HSPG2: variants seen among roughly 807,000 people sequenced by gnomAD.
The protein encoded by HSPG2 is basement membrane-specific heparan sulfate proteoglycan core protein.
A neutral mutation model predicts 526.6 loss-of-function variants in HSPG2; 278 were observed. The ratio of observed to expected loss-of-function variants is 0.53; its 90% CI spans 0.48 to 0.58. HSPG2 has a LOEUF of 0.58. Among genes scored for constraint, HSPG2 ranks in the 20% least tolerant of loss-of-function variants. HSPG2 has a pLI of 0.00. For missense variants in HSPG2, 5,354 were observed against 6,099.5 expected, an observed-to-expected ratio of 0.88 and a Z score of 4.07; for synonymous variants, 2,465 against 2,555.4, an observed-to-expected ratio of 0.96 and a Z score of 1.07.
chr1:21,882,516 C>T (rs1402122843), intron 13 of HSPG2, among the ~76,000 whole-genome samples: 2 of 151,836 alleles, frequency 1.3e-5, no homozygotes, highest in East Asian at 1.9e-4. Context: ...AGAGAACTTT[C>T]GGTGGAGTGA....
rs370487132 is a variant in HSPG2 at position 21,842,904 on chromosome 1, G to T, written c.8776C>A (p.Pro2926Thr). The change falls in exon 67 of 97, where the codon CCC (proline) becomes ACC (threonine). Residue 2926 changes from proline to threonine, a missense_variant. By Grantham distance (38) the Pro-to-Thr change is conservative. Coordinates refer to ENST00000374695, the MANE Select transcript of HSPG2 (RefSeq NM_005529.7). Reference protein sequence around the residue: ...GPIPAPGLAQPIYIEASSSHV... With the variant: ...GPIPAPGLAQTIYIEASSSHV... ...GAAGAGGAGGCCTCGATGTAGATGG[G>T]CTGGGCCAGTCCTGGAGCTGTGGGC... 2.2e-5 allele frequency: 35 copies of T among 1,614,032 alleles called. No individual in the cohort carries two copies. Among genetic ancestry groups the T allele is most frequent in the Admixed American group, 3.3e-5 (2 of 60,012 alleles).
At chr1:21,830,485 A>T in intron 85 of HSPG2, 2 of 302,774 alleles carry the variant, frequency 6.6e-6, no homozygotes, top group East Asian at 8.3e-5. Context: ...TCAGGAGTTC[A>T]AGACCAGCCA....
At chr1:21,883,373 A>G (rs1641648538) in intron 13 of HSPG2, among the ~76,000 whole-genome samples, 1 of 152,208 alleles carries the variant, frequency 6.6e-6, no homozygotes, top group African/African-American at 2.4e-5. Context: ...GCTGGAGTGC[A>G]ATGGTGTGAT....
chr1:21,854,533 C>A, intron 49 of HSPG2, 78 bp downstream of exon 49: 2 of 1,489,580 alleles, frequency 1.3e-6, no homozygotes, highest in South Asian at 1.3e-5. Context: ...GCCGCCTCCC[C>A]CGCCCAGCGT....
intron 64 of HSPG2, 87 bp from the exon 65 acceptor site, chr1:21,844,386 G>T: frequency 7.1e-7 from 1 of 1,410,486 alleles, no homozygotes; most frequent in Admixed American, 2.1e-5. Context: ...TAGGACCAGA[G>T]GCCATTTGGG....
In HSPG2 at chr1:21,896,165, C is replaced by T. The variant is rs1426462355; in HGVS notation, c.199+10G>A. 6.2e-7 allele frequency: 1 copy of T among 1,613,938 alleles called. No homozygotes were observed. Among genetic ancestry groups the T allele is most frequent in the African/African-American group, 1.3e-5 (1 of 74,998 alleles). On this transcript the variant is annotated intron_variant, in intron 2 of 96. Coordinates refer to ENST00000374695, the MANE Select transcript of HSPG2 (RefSeq NM_005529.7). Reference sequence around the variant, plus strand: ...ACCCCTCTGCTCCCAGCCTTGGATCCTTGGCTCACCTCCTGAGATGCTGTC... The same window carrying T: ...ACCCCTCTGCTCCCAGCCTTGGATCTTTGGCTCACCTCCTGAGATGCTGTC...
intron 1 of HSPG2, among the ~76,000 whole-genome samples, chr1:21,917,922 C>T (rs1055737044): frequency 1.8e-4 from 27 of 152,156 alleles, no homozygotes; most frequent in African/African-American, 5.8e-4. Context: ...AACCAAAGCT[C>T]CTTGGGGACA....
At chr1:21,894,548 C>G (rs1280749533) in intron 3 of HSPG2, among the ~76,000 whole-genome samples, 1 of 152,182 alleles carries the variant, frequency 6.6e-6, no homozygotes, top group African/African-American at 2.4e-5. Context: ...CTACCCTGGT[C>G]TTGGGCCCCC....
At chr1:21,908,589 T>TAA (rs75768483) in intron 1 of HSPG2, 35 of 568,894 alleles carry the variant, frequency 6.2e-5, no homozygotes, top group Admixed American at 1.6e-4. Context: ...AATAGGTATT[T>TAA]AAAAAAAAAA....
In HSPG2 at chr1:21,854,980, G is replaced by A. The variant is rs188040069; in HGVS notation, c.6001C>T (p.Arg2001Trp). 109 of 1,612,626 alleles carry A rather than the reference G, an allele frequency of 6.8e-5. No homozygotes were observed. Among genetic ancestry groups the A allele is most frequent in the East Asian group, 2.9e-4 (13 of 44,888 alleles). ...GTCGCGATGTCTGTGCGCTCTGACC[G>A]GGCCTGCCGTGGGTGAGATGGGTCA... ...KEGGSLPPQA[R>W]SERTDIATLL... Residue 2001 changes from arginine to tryptophan, a missense_variant, in exon 48 of 97, where the codon CGG (arginine) becomes TGG (tryptophan). Physicochemically the swap from Arg to Trp is moderately radical, Grantham distance 101. Transcript: ENST00000374695.
At chr1:21,927,896 A>C (rs924962516) in intron 1 of HSPG2, among the ~76,000 whole-genome samples, 1 of 152,232 alleles carries the variant, frequency 6.6e-6, no homozygotes, top group African/African-American at 2.4e-5. Context: ...AGCCCAGTAC[A>C]GGACCTGGGT....
chr1:21,914,998 T>C (rs562983750), intron 1 of HSPG2, among the ~76,000 whole-genome samples: 31 of 152,238 alleles, frequency 2.0e-4, no homozygotes, highest in Non-Finnish European at 3.5e-4. Flanking sequence ...GTGTCAGACG[T>C]CCCTCACCCC....
Position 21,860,009 on chromosome 1 carries a change from G to A in HSPG2, c.5015-7C>T, listed in dbSNP as rs776462142. 1.2e-5 allele frequency: 19 copies of A among 1,609,564 alleles called. No individual in the cohort carries two copies. The highest frequency in any genetic ancestry group is 1.1e-4 in the South Asian group (10 of 90,142). On this transcript the variant is annotated splice_polypyrimidine_tract_variant and splice_region_variant and intron_variant, in intron 40 of 96. Coordinates refer to ENST00000374695, the MANE Select transcript of HSPG2 (RefSeq NM_005529.7). ...ACCAGTGGGGCTTGGTTTGCTGGGG[G>A]TGGGGGCCGGGACAGGAAGGGCCTT...
chr1:21,824,099 A>C lies in HSPG2; in HGVS notation c.12899+22T>G, dbSNP rs2097960972. 1.2e-6 allele frequency: 2 copies of C among 1,606,122 alleles called. No homozygotes were observed. The highest frequency in any genetic ancestry group is 2.2e-5 in the South Asian group (2 of 90,552). ...CTCCAGAACGCTGGGCCCCATCCCG[A>C]GTGCCCGGCAGGGTCCCTTACCGCA... On this transcript the variant is annotated intron_variant, in intron 95 of 96. Transcript: ENST00000374695. This position sits in a 1 kb window ranked among gnomAD's most constrained non-coding sequence, Gnocchi z 5.9.
intron 1 of HSPG2, among the ~76,000 whole-genome samples, chr1:21,936,267 C>T (rs1007444821): frequency 7.9e-5 from 12 of 152,204 alleles, no homozygotes; most frequent in Non-Finnish European, 8.8e-5. Flanking sequence ...GGCCAAGTGC[C>T]TTCTAAGCCT....
intron 25 of HSPG2, 61 bp downstream of exon 25, chr1:21,875,568 A>C (rs765490763): frequency 8.0e-7 from 1 of 1,253,918 alleles, no homozygotes; most frequent in African/African-American, 1.5e-5. Flanking sequence ...GCTGTACTGC[A>C]CCGCTTAGAT....
At chr1:21,832,459 C>T (rs762739618) in intron 81 of HSPG2, 36 bp downstream of exon 81, 18 of 1,523,652 alleles carry the variant, frequency 1.2e-5, no homozygotes, top group Non-Finnish European at 1.6e-5. Flanking sequence ...GCCCTGTGTC[C>T]AGTCCCCCTG....
intron 33 of HSPG2, among the ~76,000 whole-genome samples, chr1:21,866,347 G>A (rs922827996): frequency 2.0e-5 from 3 of 152,168 alleles, no homozygotes; most frequent in Non-Finnish European, 2.9e-5. Flanking sequence ...TGGTCTGAGG[G>A]CCCTGATCCC....
At position 21,876,328 on chromosome 1, in the gene HSPG2, G is replaced by A. The variant is rs1641060476; in HGVS notation, c.2904C>T (p.Ile968=). 1.9e-6 allele frequency: 3 copies of A among 1,614,042 alleles called. No individual in the cohort carries two copies. Among genetic ancestry groups the A allele is most frequent in the Non-Finnish European group, 2.5e-6 (3 of 1,180,010 alleles). Residue 968 remains isoleucine, a synonymous_variant, in exon 23 of 97, where the codon ATC becomes ATT. Coordinates refer to ENST00000374695, the MANE Select transcript of HSPG2 (RefSeq NM_005529.7). The stretch of plus-strand genomic sequence containing the variant: ...CCAGTTCCCCGGGCGTGGGGGAGAA[G>A]ATGCCCTCGTTGGTGGTGTGGGTGC... The part of the protein sequence containing the change: ...AASTHTTNEG[I]FSPTPGELGF...
Sources: gnomAD v4.1 joint callset for allele counts (sites outside exome capture counted in the v4.1 genomes callset) on GRCh38, gnomAD v4.1.1 for gene constraint, Gnocchi (gnomAD v3.1) non-coding constraint, MANE v1.5 for transcripts, NCBI Gene and HGNC (gene_info 2026-07-23, HGNC 2026-07-21) for gene names.